NKAIN3: variants seen among roughly 807,000 people sequenced by gnomAD.
NKAIN3 encodes sodium/potassium-transporting ATPase subunit beta-1-interacting protein 3.
Under a neutral mutation model 30.2 loss-of-function variants are expected in NKAIN3, and 25 were observed. That is an observed-to-expected ratio of 0.83 (90% CI 0.60 to 1.16). The LOEUF (loss-of-function observed/expected upper bound fraction) is 1.16, where lower values mean the gene tolerates loss of function less well. Ranked by LOEUF, NKAIN3 falls within the 50% of genes most tolerant of loss-of-function variation. NKAIN3 has a pLI of 0.00. For synonymous variants in NKAIN3, 91 were observed against 89.6 expected (o/e 1.02, Z -0.09); for missense variants, 225 against 254.1 (o/e 0.89, Z 0.78).
chr8:62,985,849 G>T (rs1399378325), downstream of NKAIN3, among the ~76,000 whole-genome samples: 5 of 152,022 alleles, frequency 3.3e-5, no homozygotes, highest in African/African-American at 1.2e-4. Flanking sequence ...TTAAAAGGAA[G>T]CAGGGAGGCT....
intron 4 of NKAIN3, among the ~76,000 whole-genome samples, chr8:62,749,275 T>C (rs1190042507): frequency 2.0e-5 from 3 of 152,202 alleles, no homozygotes; most frequent in Admixed American, 6.5e-5. Context: ...CAAGTATTTA[T>C]TTGATAAGGA....
At chr8:62,268,623 CA>C (rs1251033425) in intron 1 of NKAIN3, among the ~76,000 whole-genome samples, 1 of 152,126 alleles carries the variant, frequency 6.6e-6, no homozygotes, top group Non-Finnish European at 1.5e-5. Flanking sequence ...AGGTATTGTG[CA>C]TAACTCTTCA....
chr8:62,735,951 G>A (rs894938427), intron 3 of NKAIN3, among the ~76,000 whole-genome samples: 1 of 152,136 alleles, frequency 6.6e-6, no homozygotes, highest in Non-Finnish European at 1.5e-5. Context: ...TGGGCTCAAG[G>A]ATGGTACTGA....
chr8:62,797,598 C>T (rs565511029), intron 4 of NKAIN3, among the ~76,000 whole-genome samples: 1 of 152,058 alleles, frequency 6.6e-6, no homozygotes, highest in African/African-American at 2.4e-5. Flanking sequence ...ATATGGTAGA[C>T]TTTCAATAAA....
At chr8:62,391,148 A>T (rs1801897731) in intron 1 of NKAIN3, among the ~76,000 whole-genome samples, 1 of 152,054 alleles carries the variant, frequency 6.6e-6, no homozygotes, top group Non-Finnish European at 1.5e-5. Context: ...GTCTTCCAGA[A>T]ATTGAAACTA....
chr8:62,315,254 C>A lies in NKAIN3; in HGVS notation c.54+66127C>A, dbSNP rs141759810. Among the ~76,000 whole-genome samples the A allele has an allele frequency of 5.8e-3, 880 of 152,268 alleles. 5 individuals carry two copies. The highest frequency in any genetic ancestry group is 0.02 in the African/African-American group (828 of 41,564). On this transcript the variant is annotated intron_variant, in intron 1 of 6. Coordinates refer to ENST00000623646, the MANE Select transcript of NKAIN3 (RefSeq NM_001304533.3). The stretch of plus-strand genomic sequence containing the variant: ...TTCATAGAAGGCTCTTATATAGCAA[C>A]TTTCCAGAGTTCAACTACAAGCACA...
chr8:62,326,233 C>T (rs1413633556), intron 1 of NKAIN3, among the ~76,000 whole-genome samples: 2 of 151,786 alleles, frequency 1.3e-5, no homozygotes, highest in African/African-American at 4.8e-5. Flanking sequence ...AGTGGTAAGG[C>T]TATTCAATGA....
At chr8:62,684,738 T>TAA (rs1262277784) in intron 3 of NKAIN3, among the ~76,000 whole-genome samples, 1 of 152,180 alleles carries the variant, frequency 6.6e-6, no homozygotes, top group African/African-American at 2.4e-5. Context: ...GGTAATTAAG[T>TAA]TAGAATGAGG....
At chr8:62,631,637 C>A (rs1236818273) in intron 3 of NKAIN3, among the ~76,000 whole-genome samples, 2 of 152,182 alleles carry the variant, frequency 1.3e-5, no homozygotes, top group Non-Finnish European at 2.9e-5. Flanking sequence ...GTATTTGTCA[C>A]TCCATCTGTT....
chr8:62,812,135 T>C (rs1397641769), intron 4 of NKAIN3, among the ~76,000 whole-genome samples: 1 of 151,972 alleles, frequency 6.6e-6, no homozygotes, highest in Non-Finnish European at 1.5e-5. Flanking sequence ...TTGTCAATAA[T>C]CAATTGGGTA....
At chr8:62,855,820 C>T in intron 4 of NKAIN3, 1 of 897,266 alleles carries the variant, frequency 1.1e-6, no homozygotes, top group Non-Finnish European at 1.9e-6. Flanking sequence ...AGCTGGAATC[C>T]TGGAGGAGTC....
intron 5 of NKAIN3, among the ~76,000 whole-genome samples, chr8:62,951,214 A>T (rs1300608981): frequency 1.3e-5 from 2 of 151,962 alleles, no homozygotes; most frequent in Non-Finnish European, 2.9e-5. Flanking sequence ...TTCCCACCAT[A>T]TCCAGCTGGT....
rs1158455191 is a variant in NKAIN3 at position 62,969,423 on chromosome 8, A to C, written c.*4016A>C. Reference sequence around the variant, plus strand: ...AAAATTTCTCTTTTCAATCTTTGCAAATTAAAAAGGAATCTTGCCAAGAAT... The same window carrying C: ...AAAATTTCTCTTTTCAATCTTTGCACATTAAAAAGGAATCTTGCCAAGAAT... On this transcript the variant is annotated 3_prime_UTR_variant, in exon 7 of 7. Coordinates refer to ENST00000623646, the MANE Select transcript of NKAIN3 (RefSeq NM_001304533.3). Among the ~76,000 whole-genome samples, 1 of 152,240 alleles carries C rather than the reference A, an allele frequency of 6.6e-6. No homozygotes were observed. Among genetic ancestry groups the C allele is most frequent in the Non-Finnish European group, 1.5e-5 (1 of 68,040 alleles).
At chr8:62,574,879 T>G (rs545138902) in intron 1 of NKAIN3, among the ~76,000 whole-genome samples, 20 of 152,208 alleles carry the variant, frequency 1.3e-4, no homozygotes, top group African/African-American at 4.8e-4. Flanking sequence ...ATATGATCAT[T>G]TCAATTAATG....
At chr8:62,409,571 A>G (rs986232352) in intron 1 of NKAIN3, among the ~76,000 whole-genome samples, 2 of 152,064 alleles carry the variant, frequency 1.3e-5, no homozygotes, top group Non-Finnish European at 2.9e-5. Flanking sequence ...TCACATTTTT[A>G]TTATCATTAT....
intron 3 of NKAIN3, among the ~76,000 whole-genome samples, chr8:62,718,433 A>C (rs1182416599): frequency 6.6e-6 from 1 of 152,248 alleles, no homozygotes; most frequent in Non-Finnish European, 1.5e-5. Flanking sequence ...AAGACAGTCA[A>C]ATCATTATTT....
At chr8:62,948,322 C>T (rs1823184201) in intron 5 of NKAIN3, among the ~76,000 whole-genome samples, 2 of 152,014 alleles carry the variant, frequency 1.3e-5, no homozygotes, top group Admixed American at 6.6e-5. Context: ...GCCTCAGCCT[C>T]CCGAGTAGCT....
chr8:62,710,176 T>A (rs1030863479), intron 3 of NKAIN3, among the ~76,000 whole-genome samples: 1 of 152,126 alleles, frequency 6.6e-6, no homozygotes, highest in African/African-American at 2.4e-5. Context: ...CCATGTGCTG[T>A]TGAATGGAAT....
chr8:62,258,821 CT>C (rs1812340450), intron 1 of NKAIN3, among the ~76,000 whole-genome samples: 1 of 152,116 alleles, frequency 6.6e-6, no homozygotes, highest in African/African-American at 2.4e-5. Flanking sequence ...TAGACCTTCC[CT>C]TTTTTCCAAG....
Sources: allele counts gnomAD v4.1 joint callset (sites outside exome capture counted in the v4.1 genomes callset), GRCh38; gene constraint gnomAD v4.1.1; transcripts MANE v1.5; gene names NCBI Gene and HGNC (gene_info 2026-07-23, HGNC 2026-07-21).